SLCO6A1: variants seen among roughly 807,000 people sequenced by gnomAD.
The protein encoded by SLCO6A1 is cancer/testis antigen 48.
Under a neutral mutation model 72.7 loss-of-function variants are expected in SLCO6A1, and 65 were observed. The observed-to-expected ratio is 0.89, with a 90% CI of 0.73 to 1.10. The LOEUF is 1.10. SLCO6A1 is among the 50% of genes least tolerant of loss of function. SLCO6A1 has a pLI of 0.00. For synonymous variants in SLCO6A1, 314 were observed against 298.2 expected, an observed-to-expected ratio of 1.05 and a Z score of -0.55; for missense variants, 874 against 872.6, an observed-to-expected ratio of 1.00 and a Z score of -0.02.
intron 10 of SLCO6A1, among the ~76,000 whole-genome samples, chr5:102,392,077 A>G (rs1746793769): frequency 6.6e-6 from 1 of 152,124 alleles, no homozygotes; most frequent in African/African-American, 2.4e-5. Flanking sequence ...TTCAAACTCG[A>G]ACAATAAACT....
At chr5:102,373,298 T>A in intron 13 of SLCO6A1, 39 bp downstream of exon 13, 1 of 1,300,904 alleles carries the variant, frequency 7.7e-7, no homozygotes. Context: ...TTATTAATAT[T>A]AATATTTCAT....
chr5:102,460,342 T>G (rs962737134), intron 4 of SLCO6A1, among the ~76,000 whole-genome samples: 1 of 152,178 alleles, frequency 6.6e-6, no homozygotes, highest in African/African-American at 2.4e-5. Context: ...CCCTTTGCTG[T>G]CTTCTGTCTT....
rs1277194911 is a variant in SLCO6A1 at position 102,395,961 on chromosome 5, A to G, written c.1814+3594T>C. The stretch of plus-strand genomic sequence containing the variant: ...TATTAGCCCTTTGTCAGATGAGTAG[A>G]TTGCAAAAATTTTCTCCCATTCTGT... On this transcript the variant is annotated intron_variant, in intron 10 of 13. Transcript: ENST00000506729. Among the ~76,000 whole-genome samples, 9 of 152,114 alleles carry G rather than the reference A, an allele frequency of 5.9e-5. No homozygotes were observed. In the East Asian group the frequency reaches 1.7e-3, roughly 29 times the overall value.
At chr5:102,457,555 C>A (rs923429426) in intron 6 of SLCO6A1, among the ~76,000 whole-genome samples, 23 of 152,166 alleles carry the variant, frequency 1.5e-4, no homozygotes, top group African/African-American at 4.8e-4. Context: ...CAGTTAGATA[C>A]CATCACACAC....
At chr5:102,437,555 CAG>C (rs1307466908) in intron 7 of SLCO6A1, among the ~76,000 whole-genome samples, 5 of 152,056 alleles carry the variant, frequency 3.3e-5, no homozygotes, top group Non-Finnish European at 5.9e-5. Flanking sequence ...TTTGATTAAT[CAG>C]AGTGCCCCAA....
intron 11 of SLCO6A1, 37 bp downstream of exon 11, chr5:102,390,943 AC>A (rs752017170): frequency 2.1e-5 from 32 of 1,558,468 alleles, no homozygotes; most frequent in African/African-American, 8.2e-5. Flanking sequence ...ATATCAAAAA[AC>A]ATTTTGATGT....
chr5:102,377,938 A>G (rs966230501), intron 12 of SLCO6A1, among the ~76,000 whole-genome samples: 29 of 150,948 alleles, frequency 1.9e-4, no homozygotes, highest in African/African-American at 7.1e-4. Context: ...TAGTTTGGCA[A>G]TTTATTAACT....
At chr5:102,454,294 A>G (rs1750588982) in intron 6 of SLCO6A1, among the ~76,000 whole-genome samples, 1 of 152,212 alleles carries the variant, frequency 6.6e-6, no homozygotes, top group Non-Finnish European at 1.5e-5. Flanking sequence ...CAATGGATGC[A>G]GTCCCAAATT....
intron 9 of SLCO6A1, 140 bp from the exon 10 acceptor site, chr5:102,399,882 T>C: frequency 3.7e-6 from 2 of 546,182 alleles, no homozygotes; most frequent in Non-Finnish European, 6.0e-6. Flanking sequence ...TTAAGCCTGC[T>C]ATGTATTATT....
At chr5:102,394,422 C>T (rs1013572810) in intron 10 of SLCO6A1, among the ~76,000 whole-genome samples, 32 of 151,782 alleles carry the variant, frequency 2.1e-4, no homozygotes, top group Non-Finnish European at 4.0e-4. Flanking sequence ...CTTGCTTATA[C>T]TCCTATCCTC....
At position 102,373,584 on chromosome 5, in the gene SLCO6A1, A is replaced by G. The variant is rs1030354866; in HGVS notation, c.2018-90T>C. 17 of 878,452 alleles carry G rather than the reference A, an allele frequency of 1.9e-5. No homozygotes were observed. In the Admixed American group the frequency reaches 5.3e-4, roughly 27 times the overall value. 54.4% of individuals were successfully genotyped at this position (878,452 alleles called of 1,614,324 possible). Reference sequence around the variant, plus strand: ...TGCTATTTACCAAAGAAAGGTAAGCATATTTCACCTATAAAGGTATAAATT... The same window carrying G: ...TGCTATTTACCAAAGAAAGGTAAGCGTATTTCACCTATAAAGGTATAAATT... On this transcript the variant is annotated intron_variant, in intron 12 of 13. Coordinates refer to ENST00000506729, the MANE Select transcript of SLCO6A1 (RefSeq NM_173488.5).
intron 1 of SLCO6A1, among the ~76,000 whole-genome samples, chr5:102,487,251 C>T (rs191854655): frequency 1.3e-3 from 193 of 152,188 alleles, no homozygotes; most frequent in Non-Finnish European, 2.3e-3. Context: ...TTTATGTCTT[C>T]GGGTTTTTAT....
chr5:102,439,674 C>T (rs1364596434), intron 6 of SLCO6A1, among the ~76,000 whole-genome samples: 2 of 152,144 alleles, frequency 1.3e-5, no homozygotes, highest in African/African-American at 2.4e-5. Context: ...CACCCCTGTG[C>T]ATGTACTTTA....
At chr5:102,483,342 C>T (rs886732345) in intron 1 of SLCO6A1, among the ~76,000 whole-genome samples, 2 of 152,084 alleles carry the variant, frequency 1.3e-5, no homozygotes, top group Non-Finnish European at 2.9e-5. Context: ...TTCCTTTTTC[C>T]TCTACTTTTC....
rs553669641 is a variant in SLCO6A1 at position 102,492,526 on chromosome 5, G to A, written c.358+5961C>T. Among the ~76,000 whole-genome samples the A allele has an allele frequency of 5.3e-5, 8 of 152,232 alleles. No homozygotes were observed. The South Asian group carries it at 8.3e-4, about 16-fold the overall frequency. Reference sequence around the variant, plus strand: ...TACCGGGTTCATCTCACTGGGGCTCGTTGGACAGTTGGGACAGGACAGTGG... The same window carrying A: ...TACCGGGTTCATCTCACTGGGGCTCATTGGACAGTTGGGACAGGACAGTGG... On this transcript the variant is annotated intron_variant, in intron 1 of 13. Transcript: ENST00000506729.
At chr5:102,397,096 A>AT (rs1275568614) in intron 10 of SLCO6A1, among the ~76,000 whole-genome samples, 5 of 152,022 alleles carry the variant, frequency 3.3e-5, no homozygotes, top group African/African-American at 1.2e-4. Context: ...TGATTGTTTC[A>AT]TTTTTTAAGT....
intron 7 of SLCO6A1, among the ~76,000 whole-genome samples, chr5:102,437,145 A>T (rs927239675): frequency 2.0e-5 from 3 of 152,140 alleles, no homozygotes; most frequent in African/African-American, 7.2e-5. Context: ...ATAGGGCAAA[A>T]TTTGTCTGTG....
intron 12 of SLCO6A1, among the ~76,000 whole-genome samples, chr5:102,385,207 C>T (rs1349529466): frequency 6.6e-6 from 1 of 152,066 alleles, no homozygotes; most frequent in African/African-American, 2.4e-5. Context: ...TGATGAATTG[C>T]TTTTCTCTTA....
At position 102,481,534 on chromosome 5, in the gene SLCO6A1, G is replaced by A. The variant is rs76403666; in HGVS notation, c.359-1100C>T. The stretch of plus-strand genomic sequence containing the variant: ...GGGCCCCAGCAACTCTGGGAATTGT[G>A]GTTTCAGACTTCCCATTCCCCTTGC... On this transcript the variant is annotated intron_variant, in intron 1 of 13. Transcript: ENST00000506729. Among the ~76,000 whole-genome samples the A allele has an allele frequency of 6.8e-3, 1,033 of 152,268 alleles. 9 individuals are homozygous for A. Among genetic ancestry groups the A allele is most frequent in the African/African-American group, 0.024 (983 of 41,564 alleles).
Sources: gnomAD v4.1 joint callset for allele counts (sites outside exome capture counted in the v4.1 genomes callset) on GRCh38, gnomAD v4.1.1 for gene constraint, MANE v1.5 for transcripts, NCBI Gene and HGNC (gene_info 2026-07-23, HGNC 2026-07-21) for gene names.